The following DPYSL2 variants were observed in gnomAD, a reference collection of about 807,000 sequenced individuals.
DPYSL2 encodes dihydropyrimidinase-related protein 2.
In DPYSL2, 13 loss-of-function variants were observed where a neutral mutation model predicts 69.9. That is an observed-to-expected ratio of 0.19 (90% CI 0.12 to 0.30). DPYSL2 has a LOEUF of 0.30. DPYSL2 is among the 10% of genes least tolerant of loss of function. The probability of loss-of-function intolerance (pLI) is 1.00; values close to 1 mark genes in which losing one functional copy is unlikely to be tolerated. For missense variants in DPYSL2, 587 were observed against 918.9 expected (o/e 0.64, Z 4.67); for synonymous variants, 326 against 359.1 (o/e 0.91, Z 1.04).
chr8:26,522,023 T>TC (rs929834062), intron 1 of DPYSL2, among the ~76,000 whole-genome samples: 3 of 152,140 alleles, frequency 2.0e-5, no homozygotes, highest in Non-Finnish European at 2.9e-5. Context: ...CATATGTTTT[T>TC]AAGGCTGGGC....
rs2129996586 is a variant in DPYSL2 at position 26,652,335 on chromosome 8, C to T, written c.1675C>T (p.Leu559=). ...GGTCATCAGCCAGGGGAAGATTGTCCTGGAGGACGGCACCCTGCATGTCAC... is the reference window on the plus strand; with the variant it reads ...GGTCATCAGCCAGGGGAAGATTGTCTTGGAGGACGGCACCCTGCATGTCAC... ...LVVISQGKIV[L]EDGTLHVTEG... is the part of the protein sequence containing the mutation. Residue 559 remains leucine (L), a synonymous_variant, in exon 12 of 14, where the codon CTG becomes TTG. Coordinates refer to ENST00000521913, the MANE Select transcript of DPYSL2 (RefSeq NM_001197293.3). This position sits in a 1 kb window ranked among gnomAD's most constrained non-coding sequence, Gnocchi z 6.3. 1 of 1,614,224 alleles carries T rather than the reference C, an allele frequency of 6.2e-7. No homozygotes were observed. Among genetic ancestry groups the T allele is most frequent in the Non-Finnish European group, 8.5e-7 (1 of 1,180,036 alleles).
At chr8:26,579,738 G>A (rs971014753) in intron 1 of DPYSL2, among the ~76,000 whole-genome samples, 1 of 152,116 alleles carries the variant, frequency 6.6e-6, no homozygotes, top group East Asian at 1.9e-4. Flanking sequence ...CCAAAGGGCC[G>A]GGCACGGGGC....
intron 3 of DPYSL2, among the ~76,000 whole-genome samples, chr8:26,601,904 G>A (rs1230578785): frequency 2.6e-5 from 4 of 152,352 alleles, no homozygotes; most frequent in Non-Finnish European, 1.5e-5. Flanking sequence ...GGGATATTGA[G>A]GCAGGACAAA....
At chr8:26,604,292 T>C (rs1421361468) in intron 3 of DPYSL2, among the ~76,000 whole-genome samples, 1 of 152,170 alleles carries the variant, frequency 6.6e-6, no homozygotes, top group East Asian at 1.9e-4. Context: ...GGAGTTTGGG[T>C]GAGGAGTCAG....
At chr8:26,535,882 A>G (rs1251984394) in intron 1 of DPYSL2, among the ~76,000 whole-genome samples, 1 of 147,758 alleles carries the variant, frequency 6.8e-6, no homozygotes, top group Non-Finnish European at 1.5e-5. Flanking sequence ...CATCAAAATT[A>G]TAAGCTCTCT....
chr8:26,525,549 T>A, intron 1 of DPYSL2, among the ~76,000 whole-genome samples: 1 of 152,360 alleles, frequency 6.6e-6, no homozygotes, highest in Non-Finnish European at 1.5e-5. Context: ...TACATTTTAA[T>A]CTGATAATTA....
At chr8:26,556,963 T>C (rs1213147653) in intron 1 of DPYSL2, among the ~76,000 whole-genome samples, 8 of 152,050 alleles carry the variant, frequency 5.3e-5, no homozygotes, top group Admixed American at 4.6e-4. Context: ...ACAAGGACAA[T>C]TCAGTGTTGA....
At position 26,655,703 on chromosome 8, in the gene DPYSL2, C is replaced by A; in HGVS notation, c.2031C>A (p.Gly677=). 1 of 1,605,796 alleles carries A rather than the reference C, an allele frequency of 6.2e-7. No homozygotes were observed. The highest frequency in any genetic ancestry group is 8.5e-7 in the Non-Finnish European group (1 of 1,178,940). The change falls in exon 14 of 14, where the codon GGC becomes GGA. Residue 677 remains glycine (G), a synonymous_variant. Coordinates refer to ENST00000521913, the MANE Select transcript of DPYSL2 (RefSeq NM_001197293.3). The part of the protein sequence containing the change: ...PGGRANITSL[G] ...GCCGTGCCAACATCACCAGCCTGGG[C>A]TAGAGCTCCTGGGCTGTGCCGTCCA... is the stretch of plus-strand genomic sequence containing the variant.
Position 26,514,553 on chromosome 8 carries a change from G to C in DPYSL2, c.228G>C (p.Pro76=). 1 of 1,527,712 alleles carries C rather than the reference G, an allele frequency of 6.5e-7. No individual in the cohort carries two copies. Among genetic ancestry groups the C allele is most frequent in the Non-Finnish European group, 8.7e-7 (1 of 1,142,946 alleles). 94.6% of individuals were successfully genotyped at this position (1,527,712 alleles called of 1,614,324 possible). ...AGCGGGACGTCGCCCACTTGGGCCCGGACCCGCAGCCGCCGTACTCGCGGC... is the reference window on the plus strand; with the variant it reads ...AGCGGGACGTCGCCCACTTGGGCCCCGACCCGCAGCCGCCGTACTCGCGGC... ...AQQRDVAHLG[P]DPQPPYSRQG... is the part of the protein sequence containing the mutation. Residue 76 remains proline, a synonymous_variant, in exon 1 of 14, where the codon CCG becomes CCC. Transcript: ENST00000521913. This position sits in a 1 kb window ranked among gnomAD's most constrained non-coding sequence, Gnocchi z 8.4.
rs552015791 is a variant in DPYSL2 at position 26,609,705 on chromosome 8, A to T, written c.629-14438A>T. 6.6e-6 allele frequency among the ~76,000 whole-genome samples: 1 copy of T among 152,304 alleles called. No individual in the cohort carries two copies. Among genetic ancestry groups the T allele is most frequent in the South Asian group, 2.1e-4 (1 of 4,824 alleles). ...GCTGAGCTGGAGCTCCCCAGAGTGC[A>T]GCCTGGCCAGGCAGGGACTGTTGAC... On this transcript the variant is annotated intron_variant, in intron 3 of 13. Coordinates refer to ENST00000521913, the MANE Select transcript of DPYSL2 (RefSeq NM_001197293.3). The surrounding 1 kb of genome is among the most constrained non-coding windows in gnomAD (Gnocchi z 6.5).
chr8:26,577,897 T>A (rs767002465), intron 1 of DPYSL2: 2 of 1,136,088 alleles, frequency 1.8e-6, no homozygotes, highest in Non-Finnish European at 2.2e-6. Flanking sequence ...GGAAAGGGAG[T>A]GGCTGGCGGC....
Position 26,588,751 on chromosome 8 carries a change from C to T in DPYSL2, c.628+4768C>T, listed in dbSNP as rs1801659046. Among the ~76,000 whole-genome samples, 1 of 152,196 alleles carries T rather than the reference C, an allele frequency of 6.6e-6. No individual in the cohort carries two copies. The highest frequency in any genetic ancestry group is 1.5e-5 in the Non-Finnish European group (1 of 68,028). On this transcript the variant is annotated intron_variant, in intron 3 of 13. Transcript: ENST00000521913. This position sits in a 1 kb window ranked among gnomAD's most constrained non-coding sequence, Gnocchi z 5.4. ...ATGTGCATCAGGCACCTCCATCCAA[C>T]TGTCCCCAGTTGGACTCCCTGTCTG...
At chr8:26,567,699 C>T (rs1417472383) in intron 1 of DPYSL2, among the ~76,000 whole-genome samples, 1 of 152,182 alleles carries the variant, frequency 6.6e-6, no homozygotes, top group Non-Finnish European at 1.5e-5. Flanking sequence ...TCCAAGAGGG[C>T]CTGGGCATGC....
rs896441586 is a variant in DPYSL2 at position 26,609,273 on chromosome 8, A to C, written c.629-14870A>C. 6.6e-6 allele frequency among the ~76,000 whole-genome samples: 1 copy of C among 150,954 alleles called. No homozygotes were observed. Among genetic ancestry groups the C allele is most frequent in the Non-Finnish European group, 1.5e-5 (1 of 67,638 alleles). ...TGTGTGTAGAACTCAGTAAGAAGTA[A>C]TCATGACCCTGTCCGTTCATTTGCT... On this transcript the variant is annotated intron_variant, in intron 3 of 13. Transcript: ENST00000521913. This position sits in a 1 kb window ranked among gnomAD's most constrained non-coding sequence, Gnocchi z 6.5.
chr8:26,611,171 G>T (rs1328304372), intron 3 of DPYSL2, among the ~76,000 whole-genome samples: 1 of 152,230 alleles, frequency 6.6e-6, no homozygotes, highest in Non-Finnish European at 1.5e-5. Flanking sequence ...TGGAGCCAAA[G>T]CCCTGAGCAT....
rs563673235 is a variant in DPYSL2 at position 26,609,994 on chromosome 8, C to T, written c.629-14149C>T. ...ACACACGTACACACTCACCCATGTGCACACACACAGGCACACACATGAGAA... is the reference window on the plus strand; with the variant it reads ...ACACACGTACACACTCACCCATGTGTACACACACAGGCACACACATGAGAA... On this transcript the variant is annotated intron_variant, in intron 3 of 13. Transcript: ENST00000521913. The surrounding 1 kb of genome is among the most constrained non-coding windows in gnomAD (Gnocchi z 6.5). Among the ~76,000 whole-genome samples, 23 of 152,180 alleles carry T rather than the reference C, an allele frequency of 1.5e-4. No individual in the cohort carries two copies. Among genetic ancestry groups the T allele is most frequent in the Non-Finnish European group, 2.9e-4 (20 of 68,036 alleles).
intron 1 of DPYSL2, among the ~76,000 whole-genome samples, chr8:26,527,804 C>CTTTTTTTTTTTTTTTTTT (rs34631984): frequency 7.5e-6 from 1 of 132,720 alleles, no homozygotes; most frequent in African/African-American, 2.8e-5. Context: ...TTTGTTTATC[C>CTTTTTTTTTTTTTTTTTT]TTTTTTTTTT....
intron 1 of DPYSL2, among the ~76,000 whole-genome samples, chr8:26,561,346 C>T (rs1801067204): frequency 6.6e-6 from 1 of 152,132 alleles, no homozygotes; most frequent in Admixed American, 6.5e-5. Flanking sequence ...CCATCTTTAC[C>T]TCCTCCTCAG....
intron 1 of DPYSL2, among the ~76,000 whole-genome samples, chr8:26,563,427 C>A (rs1003037764): frequency 1.3e-5 from 2 of 152,116 alleles, no homozygotes; most frequent in Non-Finnish European, 2.9e-5. Context: ...AATTGAAGCC[C>A]CAATATCTTT....
Sources: gnomAD v4.1 joint callset for allele counts (sites outside exome capture counted in the v4.1 genomes callset) on GRCh38, gnomAD v4.1.1 for gene constraint, Gnocchi (gnomAD v3.1) non-coding constraint, MANE v1.5 for transcripts, NCBI Gene and HGNC (gene_info 2026-07-23, HGNC 2026-07-21) for gene names.